NCOA1: variants seen among roughly 807,000 people sequenced by gnomAD.
NCOA1 encodes nuclear receptor coactivator 1.
Under a neutral mutation model 150.9 loss-of-function variants are expected in NCOA1, and 35 were observed. That is an observed-to-expected ratio of 0.23 (90% CI 0.18 to 0.31). NCOA1 has a LOEUF of 0.31. NCOA1 is among the 10% of genes least tolerant of loss of function. The pLI, the probability that NCOA1 is intolerant of heterozygous loss-of-function variation, is 1.00. For synonymous variants in NCOA1, 590 were observed against 630.0 expected, an observed-to-expected ratio of 0.94 and a Z score of 0.95; for missense variants, 1,491 against 1,749.3, an observed-to-expected ratio of 0.85 and a Z score of 2.63.
intron 4 of NCOA1, among the ~76,000 whole-genome samples, chr2:24,653,370 G>GT (rs1315227425): frequency 1.3e-5 from 2 of 151,838 alleles, no homozygotes; most frequent in East Asian, 1.9e-4. Context: ...GCAGTTTGCT[G>GT]TTTTTTTCCC....
chr2:24,574,333 A>G (rs1666861353), intron 2 of NCOA1, among the ~76,000 whole-genome samples: 1 of 152,134 alleles, frequency 6.6e-6, no homozygotes. Flanking sequence ...AATTCTTTTT[A>G]GTTTTCAAGG....
At chr2:24,660,211 G>T (rs1671119025) in intron 5 of NCOA1, among the ~76,000 whole-genome samples, 1 of 152,110 alleles carries the variant, frequency 6.6e-6, no homozygotes, top group African/African-American at 2.4e-5. Flanking sequence ...TATAAAATCA[G>T]TCCTTAAAGG....
At chr2:24,722,520 G>A (rs910005727) in intron 14 of NCOA1, among the ~76,000 whole-genome samples, 1 of 151,932 alleles carries the variant, frequency 6.6e-6, no homozygotes, top group Non-Finnish European at 1.5e-5. Context: ...AAACTAAAAA[G>A]TGTACCTATG....
intron 1 of NCOA1, among the ~76,000 whole-genome samples, chr2:24,539,969 A>T (rs763639273): frequency 2.0e-5 from 3 of 152,210 alleles, no homozygotes; most frequent in Non-Finnish European, 4.4e-5. Context: ...TGAGTCTATG[A>T]GAGTAGGAAG....
At chr2:24,535,175 G>A (rs1665072737) in intron 1 of NCOA1, among the ~76,000 whole-genome samples, 1 of 152,098 alleles carries the variant, frequency 6.6e-6, no homozygotes, top group African/African-American at 2.4e-5. Context: ...AGCTTTTCTT[G>A]TTGAATTGAT....
chr2:24,550,221 C>A (rs947890131), intron 1 of NCOA1, among the ~76,000 whole-genome samples: 1 of 152,196 alleles, frequency 6.6e-6, no homozygotes, highest in East Asian at 1.9e-4. Flanking sequence ...CTGCCTGTTA[C>A]CCAGTTCCAA....
intron 1 of NCOA1, among the ~76,000 whole-genome samples, chr2:24,515,914 A>G (rs1664140465): frequency 6.6e-6 from 1 of 152,188 alleles, no homozygotes; most frequent in African/African-American, 2.4e-5. Flanking sequence ...CAAAACAAAC[A>G]AAAAACAGAA....
intron 7 of NCOA1, among the ~76,000 whole-genome samples, chr2:24,677,393 T>C (rs939670037): frequency 6.6e-6 from 1 of 151,972 alleles, no homozygotes; most frequent in African/African-American, 2.4e-5. Context: ...GACTGGGTAA[T>C]TTATAAAGGA....
chr2:24,564,153 C>G (rs540281156), intron 1 of NCOA1, 142 bp from the exon 2 acceptor site: 1 of 152,262 alleles, frequency 6.6e-6, no homozygotes, highest in Admixed American at 6.5e-5. Context: ...TTAGTAGTGA[C>G]AAGAATGAGA....
chr2:24,602,931 T>C (rs769211422), intron 3 of NCOA1, among the ~76,000 whole-genome samples: 3 of 152,226 alleles, frequency 2.0e-5, no homozygotes, highest in Non-Finnish European at 2.9e-5. Context: ...TGTTATGCTC[T>C]TGATTTTTAA....
intron 1 of NCOA1, among the ~76,000 whole-genome samples, chr2:24,518,233 AT>A (rs903796660): frequency 6.6e-6 from 1 of 152,192 alleles, no homozygotes; most frequent in Non-Finnish European, 1.5e-5. Flanking sequence ...AAGGAAAAAA[AT>A]ATGAACATCT....
intron 1 of NCOA1, among the ~76,000 whole-genome samples, chr2:24,532,461 A>T (rs1664941309): frequency 6.6e-6 from 1 of 151,998 alleles, no homozygotes; most frequent in Non-Finnish European, 1.5e-5. Context: ...GTTTAATTAG[A>T]TCCTGTTTGT....
chr2:24,608,117 A>G (rs1668452404), intron 3 of NCOA1, among the ~76,000 whole-genome samples: 1 of 151,932 alleles, frequency 6.6e-6, no homozygotes, highest in African/African-American at 2.4e-5. Context: ...TCATGACTAT[A>G]GGATTATTTA....
chr2:24,571,661 G>A (rs780182803), intron 2 of NCOA1, among the ~76,000 whole-genome samples: 3 of 151,938 alleles, frequency 2.0e-5, no homozygotes, highest in Non-Finnish European at 4.4e-5. Flanking sequence ...CTCTTAGTGC[G>A]CTGGCCAAGG....
At chr2:24,549,455 C>A (rs763287234) in intron 1 of NCOA1, among the ~76,000 whole-genome samples, 3 of 152,202 alleles carry the variant, frequency 2.0e-5, no homozygotes, top group Non-Finnish European at 4.4e-5. Context: ...GATTAACATT[C>A]GGCTCTTCAT....
intron 11 of NCOA1, among the ~76,000 whole-genome samples, chr2:24,701,367 A>G (rs971682704): frequency 4.6e-5 from 7 of 151,902 alleles, no homozygotes; most frequent in African/African-American, 1.7e-4. Context: ...AAAATTAGCT[A>G]GGCGTGGCAC....
chr2:24,697,930 G>A, intron 11 of NCOA1, 132 bp downstream of exon 11: 1 of 970,986 alleles, frequency 1.0e-6, no homozygotes, highest in East Asian at 2.7e-5. Context: ...TTTTAGGAAA[G>A]GAAGAAATGG....
chr2:24,615,190 G>A (rs1461144567), intron 3 of NCOA1, among the ~76,000 whole-genome samples: 1 of 152,168 alleles, frequency 6.6e-6, no homozygotes, highest in Non-Finnish European at 1.5e-5. Flanking sequence ...AATATATTTG[G>A]ATAAATTATG....
At chr2:24,665,984 CTTTATTATTATTATTATTATTAT>C (rs1671401932) in intron 6 of NCOA1, 69 bp downstream of exon 6, 5 of 881,974 alleles carry the variant, frequency 5.7e-6, no homozygotes, top group African/African-American at 3.6e-5. Context: ...TGTGATTTTA[CTTTATTATTATTATTATTATTAT>C]TTTATTATTA....
Sources: allele counts gnomAD v4.1 joint callset (sites outside exome capture counted in the v4.1 genomes callset), GRCh38; gene constraint gnomAD v4.1.1; transcripts MANE v1.5; gene names NCBI Gene and HGNC (gene_info 2026-07-23, HGNC 2026-07-21).